Variants in SEMA3D observed in about 807,000 individuals in gnomAD.
The protein encoded by SEMA3D is semaphorin-3D.
A neutral mutation model predicts 100.1 loss-of-function variants in SEMA3D; 84 were observed. That is an observed-to-expected ratio of 0.84 (90% CI 0.70 to 1.01). The LOEUF (loss-of-function observed/expected upper bound fraction) is 1.01, where lower values mean the gene tolerates loss of function less well. Among genes scored for constraint, SEMA3D ranks in the 50% least tolerant of loss-of-function variants. SEMA3D has a pLI of 0.00. For missense variants in SEMA3D, 875 were observed against 934.1 expected (o/e 0.94, Z 0.82); for synonymous variants, 312 against 320.7 (o/e 0.97, Z 0.29).
At chr7:85,154,516 C>T (rs1180372768) in intron 1 of SEMA3D, among the ~76,000 whole-genome samples, 1 of 151,934 alleles carries the variant, frequency 6.6e-6, no homozygotes, top group Non-Finnish European at 1.5e-5. Flanking sequence ...TTCTCTGTAC[C>T]AAGGCTGACC....
intron 4 of SEMA3D, among the ~76,000 whole-genome samples, chr7:85,095,451 A>G (rs753991165): frequency 6.6e-6 from 1 of 151,960 alleles, no homozygotes; most frequent in East Asian, 1.9e-4. Context: ...TGATAACTCA[A>G]TTATATGTTG....
In SEMA3D at chr7:85,081,611, G is replaced by C. The variant is rs768479289; in HGVS notation, c.313-32C>G. The C allele has an allele frequency of 2.7e-6, 4 of 1,461,174 alleles. No homozygotes were observed. The Admixed American group carries it at 6.7e-5, about 24-fold the overall frequency. The allele number at this position is 1,461,174 out of a possible 1,614,324, so 90.5% of individuals were successfully genotyped here. A position where few individuals can be genotyped will look rare whatever the true frequency, so the allele number is the denominator to read the frequency against. On this transcript the variant is annotated intron_variant, in intron 4 of 18. Transcript: ENST00000284136. ...AACATTTCAAAGTATGTTACAACCTGAATATCTGAAACACCCTAACACTCT... is the reference window on the plus strand; with the variant it reads ...AACATTTCAAAGTATGTTACAACCTCAATATCTGAAACACCCTAACACTCT...
chr7:85,161,480 G>T, intron 1 of SEMA3D, among the ~76,000 whole-genome samples: 1 of 152,012 alleles, frequency 6.6e-6, no homozygotes, highest in South Asian at 2.1e-4. Context: ...ACTTTGCAGG[G>T]TATGAAAAAC....
the SEMA3D span, among the ~76,000 whole-genome samples, chr7:85,194,072 T>C: frequency 1.3e-5 from 2 of 152,186 alleles, no homozygotes; most frequent in Non-Finnish European, 2.9e-5. Context: ...AACCTTGCTA[T>C]AATGCTCATT....
chr7:85,141,790 A>G, intron 2 of SEMA3D: 1 of 771,978 alleles, frequency 1.3e-6, no homozygotes, highest in Non-Finnish European at 1.6e-6. Flanking sequence ...TAAATCTGGG[A>G]AAAGGCGGTC....
chr7:85,012,828 A>G lies in SEMA3D; in HGVS notation c.1722T>C (p.Asp574=), dbSNP rs753111661. The change falls in exon 17 of 19, where the codon GAT becomes GAC. Residue 574 remains aspartate, a synonymous_variant. Transcript: ENST00000284136. The stretch of plus-strand genomic sequence containing the variant: ...GGGTGATTGGGTCGCCATATTTTAC[A>G]TCTTGGCGTCTAGCTCTCCTGCGGA... The part of the protein sequence containing the change: ...PTSKRRARRQ[D]VKYGDPITQC... 5.0e-6 allele frequency: 8 copies of G among 1,610,434 alleles called. No homozygotes were observed. The highest frequency in any genetic ancestry group is 6.8e-6 in the Non-Finnish European group (8 of 1,177,610).
chr7:85,190,391 G>C (rs2116602378), upstream of SEMA3D, among the ~76,000 whole-genome samples: 1 of 152,110 alleles, frequency 6.6e-6, no homozygotes, highest in African/African-American at 2.4e-5. Context: ...CACCTTATCA[G>C]CACTGACTGA....
rs539195458 is a variant in SEMA3D, at chr7:85,071,879, A to T, written c.495+1083T>A. ...TGCACATGACTGTACTTACATAAAC[A>T]TGAGGATGACATTGCACATCACCAA... On this transcript the variant is annotated intron_variant, in intron 6 of 18. Coordinates refer to ENST00000284136, the MANE Select transcript of SEMA3D (RefSeq NM_001384900.1). Among the ~76,000 whole-genome samples the T allele has an allele frequency of 5.9e-5, 9 of 152,350 alleles. No homozygotes were observed. In the South Asian group the frequency reaches 1.9e-3, roughly 32 times the overall value.
chr7:85,230,681 T>C, the SEMA3D span, among the ~76,000 whole-genome samples: 1 of 152,192 alleles, frequency 6.6e-6, no homozygotes. Context: ...CTATACTTCT[T>C]CCATGGTCTT....
At chr7:85,010,819 A>C (rs1376343404) in intron 17 of SEMA3D, among the ~76,000 whole-genome samples, 1 of 151,668 alleles carries the variant, frequency 6.6e-6, no homozygotes, top group Non-Finnish European at 1.5e-5. Flanking sequence ...TCAGAATTGG[A>C]CTATGAATTT....
intron 5 of SEMA3D, 103 bp from the exon 6 acceptor site, chr7:85,073,184 G>A: frequency 2.0e-6 from 2 of 1,016,636 alleles, no homozygotes; most frequent in South Asian, 2.8e-5. Flanking sequence ...TCAAAAATAA[G>A]AGCACAAATG....
At chr7:85,069,060 G>A (rs371916070) in intron 6 of SEMA3D, among the ~76,000 whole-genome samples, 33 of 152,052 alleles carry the variant, frequency 2.2e-4, no homozygotes, top group African/African-American at 7.5e-4. Flanking sequence ...TCATAACAAT[G>A]ACAACACTAC....
the SEMA3D span, among the ~76,000 whole-genome samples, chr7:85,233,188 A>C: frequency 2.6e-5 from 4 of 152,218 alleles, no homozygotes; most frequent in Admixed American, 2.6e-4. Context: ...TTGATGTTAG[A>C]AAAAACTCTT....
chr7:85,250,232 T>C, the SEMA3D span, among the ~76,000 whole-genome samples: 89 of 143,916 alleles, frequency 6.2e-4, no homozygotes, highest in Admixed American at 2.1e-3. Context: ...CACGGAGTCT[T>C]GCTGATTGCC....
At chr7:85,111,377 G>T (rs1440584460) in intron 3 of SEMA3D, among the ~76,000 whole-genome samples, 1 of 151,920 alleles carries the variant, frequency 6.6e-6, no homozygotes. Flanking sequence ...CCCACAAAAC[G>T]ACTTCTTCCA....
intron 1 of SEMA3D, among the ~76,000 whole-genome samples, chr7:85,178,748 T>G (rs943724181): frequency 2.0e-5 from 3 of 152,182 alleles, no homozygotes; most frequent in African/African-American, 7.2e-5. Context: ...ATGTTAAACA[T>G]GAAGACAATG....
At chr7:85,231,775 T>C in the SEMA3D span, among the ~76,000 whole-genome samples, 1 of 152,270 alleles carries the variant, frequency 6.6e-6, no homozygotes, top group Admixed American at 6.5e-5. Flanking sequence ...AGTAAGAACA[T>C]GTGTTAAGAT....
intron 4 of SEMA3D, among the ~76,000 whole-genome samples, chr7:85,092,495 A>G (rs963626376): frequency 5.9e-5 from 9 of 152,050 alleles, no homozygotes; most frequent in African/African-American, 1.9e-4. Flanking sequence ...TATAATGCAT[A>G]TAAGTTGTTT....
rs779806718 is a variant in SEMA3D at position 85,121,903 on chromosome 7, T to C, written c.-12A>G. On this transcript the variant is annotated 5_prime_UTR_variant, in exon 3 of 19. Transcript: ENST00000284136. ...TTATTAGCATTCATGATGAAAACAATGTTCTCTTTCAAATGGTGTTAATTT... is the reference window on the plus strand; with the variant it reads ...TTATTAGCATTCATGATGAAAACAACGTTCTCTTTCAAATGGTGTTAATTT... 4.5e-6 allele frequency: 7 copies of C among 1,543,562 alleles called. No homozygotes were observed. The highest frequency in any genetic ancestry group is 6.2e-6 in the Non-Finnish European group (7 of 1,138,034).
Sources: allele counts gnomAD v4.1 joint callset (sites outside exome capture counted in the v4.1 genomes callset), GRCh38; gene constraint gnomAD v4.1.1; transcripts MANE v1.5; gene names NCBI Gene and HGNC (gene_info 2026-07-23, HGNC 2026-07-21).